Variants in ZNF804A observed in about 807,000 individuals in gnomAD.
The protein encoded by ZNF804A is zinc finger protein 804A.
Under a neutral mutation model 16.5 loss-of-function variants are expected in ZNF804A, and 2 were observed. The ratio of observed to expected loss-of-function variants is 0.12; its 90% CI spans 0.05 to 0.38. The LOEUF is 0.38. Ranked by LOEUF, ZNF804A falls within the 10% of genes least tolerant of loss-of-function variation. The probability of loss-of-function intolerance (pLI) is 0.99; values close to 1 mark genes in which losing one functional copy is unlikely to be tolerated. For missense variants in ZNF804A, 1,473 were observed against 1,390.7 expected, an observed-to-expected ratio of 1.06 and a Z score of -0.94; for synonymous variants, 534 against 489.6, an observed-to-expected ratio of 1.09 and a Z score of -1.20.
intron 1 of ZNF804A, among the ~76,000 whole-genome samples, chr2:184,648,018 T>C (rs1347282334): frequency 6.6e-6 from 1 of 152,110 alleles, no homozygotes; most frequent in Non-Finnish European, 1.5e-5. Context: ...GGGAACTCCA[T>C]CAAGCTAACA....
intron 1 of ZNF804A, among the ~76,000 whole-genome samples, chr2:184,737,254 G>A (rs1407430849): frequency 6.6e-6 from 1 of 151,598 alleles, no homozygotes; most frequent in Admixed American, 6.6e-5. Flanking sequence ...GTAGAGACAG[G>A]GTTTCACCGT....
intron 2 of ZNF804A, among the ~76,000 whole-genome samples, chr2:184,932,103 T>C (rs1163352640): frequency 6.6e-6 from 1 of 152,198 alleles, no homozygotes; most frequent in African/African-American, 2.4e-5. Context: ...AATTTTGGTC[T>C]AAGCCATTTG....
At chr2:184,714,781 C>A (rs1356091118) in intron 1 of ZNF804A, among the ~76,000 whole-genome samples, 1 of 151,992 alleles carries the variant, frequency 6.6e-6, no homozygotes, top group East Asian at 1.9e-4. Context: ...AACATGTACA[C>A]AACAATATCT....
In ZNF804A at chr2:184,937,639, T is replaced by C. The variant is rs771481078; in HGVS notation, c.2243T>C (p.Met748Thr). 1.2e-6 allele frequency: 2 copies of C among 1,613,918 alleles called. No homozygotes were observed. The highest frequency in any genetic ancestry group is 1.7e-6 in the Non-Finnish European group (2 of 1,179,948). The change falls in exon 4 of 4, where the codon ATG becomes ACG. Residue 748 changes from methionine (M) to threonine (T), a missense_variant. Met to Thr is a moderately conservative substitution (Grantham distance 81). Transcript: ENST00000302277. ...GTTCTTCAAAATGATATGAAACACA[T>C]GAGTCAGAATCAGGCTGTTAAAAGA... is the stretch of plus-strand genomic sequence containing the variant. ...SLVLQNDMKH[M>T]SQNQAVKRGY...
chr2:184,938,824 T>C lies in ZNF804A; in HGVS notation c.3428T>C (p.Leu1143Ser). ...SQIPALTRTS[L>S]PQLSVGPVGP... ...ATCCCAGCTCTCACCAGAACCTCAT[T>C]ACCTCAGCTCTCAGTAGGACCAGTA... The change falls in exon 4 of 4, where the codon TTA becomes TCA. Residue 1143 changes from leucine (L) to serine (S), a missense_variant. Physicochemically the swap from Leu to Ser is moderately radical, Grantham distance 145. Coordinates refer to ENST00000302277, the MANE Select transcript of ZNF804A (RefSeq NM_194250.2). 1.2e-6 allele frequency: 2 copies of C among 1,613,894 alleles called. No homozygotes were observed. Among genetic ancestry groups the C allele is most frequent in the Non-Finnish European group, 1.7e-6 (2 of 1,179,950 alleles).
intron 3 of ZNF804A, 128 bp downstream of exon 3, chr2:184,933,861 GC>G: frequency 1.1e-6 from 1 of 878,256 alleles, no homozygotes; most frequent in East Asian, 3.3e-5. Context: ...TGTTTTCATG[GC>G]CTTCTGTAGG....
intron 1 of ZNF804A, among the ~76,000 whole-genome samples, chr2:184,809,620 A>G (rs1329276544): frequency 6.6e-6 from 1 of 151,922 alleles, no homozygotes; most frequent in Non-Finnish European, 1.5e-5. Flanking sequence ...TAGAACCTAC[A>G]TATGTATGCA....
At chr2:184,601,525 C>A (rs1317998876) in intron 1 of ZNF804A, among the ~76,000 whole-genome samples, 1 of 151,910 alleles carries the variant, frequency 6.6e-6, no homozygotes, top group Non-Finnish European at 1.5e-5. Flanking sequence ...TTATGCTTAT[C>A]ATGGTTTTAC....
intron 1 of ZNF804A, among the ~76,000 whole-genome samples, chr2:184,828,192 T>G (rs1695199219): frequency 6.6e-6 from 1 of 151,802 alleles, no homozygotes; most frequent in African/African-American, 2.4e-5. Context: ...TATGTTCCCT[T>G]TTCAAAAAGG....
chr2:184,906,572 A>G (rs1685278602), intron 2 of ZNF804A, among the ~76,000 whole-genome samples: 3 of 152,094 alleles, frequency 2.0e-5, no homozygotes, highest in East Asian at 3.9e-4. Context: ...GAGTGCTGGG[A>G]TTATGGGCAT....
Position 184,827,719 on chromosome 2 carries a change from C to T in ZNF804A, c.112-38650C>T, listed in dbSNP as rs375854228. 2.7e-4 allele frequency among the ~76,000 whole-genome samples: 41 copies of T among 151,350 alleles called. No individual in the cohort carries two copies. In the East Asian group the frequency reaches 7.9e-3, roughly 29 times the overall value. ...CACTTAGCATAATATATACAAGATT[C>T]ATCCAGATTATTGGCTGAATTAGTA... On this transcript the variant is annotated intron_variant, in intron 1 of 3. Transcript: ENST00000302277.
intron 1 of ZNF804A, among the ~76,000 whole-genome samples, chr2:184,689,061 A>C (rs192507808): frequency 9.7e-4 from 147 of 152,298 alleles, no homozygotes; most frequent in African/African-American, 3.5e-3. Context: ...CACTAGTAGA[A>C]TATGGAATAT....
intron 1 of ZNF804A, among the ~76,000 whole-genome samples, chr2:184,692,041 C>T (rs2105725835): frequency 6.6e-6 from 1 of 152,190 alleles, no homozygotes; most frequent in Non-Finnish European, 1.5e-5. Context: ...CTACTAAAAG[C>T]TTGATATGTT....
At chr2:184,771,399 G>A (rs1397953351) in intron 1 of ZNF804A, among the ~76,000 whole-genome samples, 1 of 151,692 alleles carries the variant, frequency 6.6e-6, no homozygotes, top group African/African-American at 2.4e-5. Flanking sequence ...GTTTTGCTGG[G>A]AACTCCACAA....
chr2:184,878,561 CA>C (rs1209830630), intron 2 of ZNF804A, among the ~76,000 whole-genome samples: 1 of 151,870 alleles, frequency 6.6e-6, no homozygotes, highest in Non-Finnish European at 1.5e-5. Flanking sequence ...TTGGAAGGAG[CA>C]AGGATCATAA....
intron 1 of ZNF804A, among the ~76,000 whole-genome samples, chr2:184,761,820 T>C (rs1041296464): frequency 3.3e-5 from 5 of 152,132 alleles, no homozygotes; most frequent in Admixed American, 2.6e-4. Flanking sequence ...GTCTATTAAA[T>C]AGAACTGAGA....
At chr2:184,772,201 C>T (rs1403595048) in intron 1 of ZNF804A, among the ~76,000 whole-genome samples, 2 of 150,734 alleles carry the variant, frequency 1.3e-5, no homozygotes, top group East Asian at 3.9e-4. Flanking sequence ...ATGTACTTTG[C>T]ATATTTTTCA....
intron 1 of ZNF804A, among the ~76,000 whole-genome samples, chr2:184,745,594 G>A (rs777758702): frequency 6.6e-6 from 1 of 151,498 alleles, no homozygotes; most frequent in Non-Finnish European, 1.5e-5. Context: ...AGAAAAGAAT[G>A]TTCTTCAATC....
chr2:184,899,534 C>T (rs911984536), intron 2 of ZNF804A, among the ~76,000 whole-genome samples: 3 of 151,724 alleles, frequency 2.0e-5, no homozygotes, highest in African/African-American at 7.3e-5. Flanking sequence ...TTTTGTTTTT[C>T]TAAGTAGAAA....
Sources: allele counts gnomAD v4.1 joint callset (sites outside exome capture counted in the v4.1 genomes callset), GRCh38; gene constraint gnomAD v4.1.1; transcripts MANE v1.5; gene names NCBI Gene and HGNC (gene_info 2026-07-23, HGNC 2026-07-21).